Variants in CAMSAP2 observed in about 807,000 individuals in gnomAD.
CAMSAP2 encodes calmodulin regulated spectrin associated protein family member 2.
In CAMSAP2, 26 loss-of-function variants were observed where a neutral mutation model predicts 146.1. The observed-to-expected ratio is 0.18, with a 90% confidence interval of 0.13 to 0.25. The LOEUF (loss-of-function observed/expected upper bound fraction) is 0.25, where lower values mean the gene tolerates loss of function less well. Among genes scored for constraint, CAMSAP2 ranks in the 10% least tolerant of loss-of-function variants. The pLI, the probability that CAMSAP2 is intolerant of heterozygous loss-of-function variation, is 1.00. For missense variants in CAMSAP2, 1,381 were observed against 1,759.3 expected (o/e 0.78, Z 3.85); for synonymous variants, 499 against 596.6 (o/e 0.84, Z 2.38).
intron 2 of CAMSAP2, among the ~76,000 whole-genome samples, chr1:200,774,073 G>A (rs541631002): frequency 2.4e-4 from 37 of 152,228 alleles, no homozygotes; most frequent in African/African-American, 8.9e-4. Context: ...GCAGTTGTCT[G>A]TGGCCATCCA....
chr1:200,797,195 A>T (rs1665909029), intron 2 of CAMSAP2, among the ~76,000 whole-genome samples: 1 of 151,164 alleles, frequency 6.6e-6, no homozygotes, highest in Admixed American at 6.6e-5. Flanking sequence ...CAGTAATGGG[A>T]TGGCTGGGTC....
At chr1:200,811,023 T>C (rs1666316074) in intron 3 of CAMSAP2, among the ~76,000 whole-genome samples, 1 of 152,168 alleles carries the variant, frequency 6.6e-6, no homozygotes, top group African/African-American at 2.4e-5. Context: ...TAGCCTGCTC[T>C]TCTCTCTCTC....
chr1:200,843,061 G>C (rs1016592099), intron 7 of CAMSAP2, among the ~76,000 whole-genome samples: 1 of 151,132 alleles, frequency 6.6e-6, no homozygotes, highest in African/African-American at 2.4e-5. Flanking sequence ...GCCCACTAAA[G>C]AACTTTCTTC....
chr1:200,762,746 T>C (rs1664835673), intron 2 of CAMSAP2, among the ~76,000 whole-genome samples: 1 of 152,230 alleles, frequency 6.6e-6, no homozygotes, highest in Non-Finnish European at 1.5e-5. Flanking sequence ...CAGTGTAGTT[T>C]GTATGTGTGA....
At chr1:200,812,243 A>G (rs1459843385) in intron 3 of CAMSAP2, among the ~76,000 whole-genome samples, 1 of 152,214 alleles carries the variant, frequency 6.6e-6, no homozygotes, top group East Asian at 1.9e-4. Context: ...TTTAGTATCT[A>G]GACCAGCACA....
chr1:200,751,535 CAAAAA>C (rs35294926), intron 1 of CAMSAP2, among the ~76,000 whole-genome samples: 2 of 41,594 alleles, frequency 4.8e-5, no homozygotes, highest in African/African-American at 1.7e-4. Flanking sequence ...GACTCCATCT[CAAAAA>C]AAAAAAAAAA....
chr1:200,817,159 C>T (rs1571792805), intron 4 of CAMSAP2, among the ~76,000 whole-genome samples: 1 of 121,856 alleles, frequency 8.2e-6, no homozygotes, highest in East Asian at 2.4e-4. Flanking sequence ...TACACACATA[C>T]ACACACGTGT....
intron 4 of CAMSAP2, among the ~76,000 whole-genome samples, chr1:200,816,725 T>C (rs554205452): frequency 4.5e-5 from 5 of 111,710 alleles, no homozygotes; most frequent in African/African-American, 1.5e-4. Flanking sequence ...CACACGCACA[T>C]ATATGTGTGT....
At chr1:200,816,808 A>ATATATGTGTGTACACACACACGCGTG (rs1666530578) in intron 4 of CAMSAP2, among the ~76,000 whole-genome samples, 1 of 45,312 alleles carries the variant, frequency 2.2e-5, no homozygotes, top group South Asian at 8.4e-4. Flanking sequence ...ACACGCGTGT[A>ATATATGTGTGTACACACACACGCGTG]TATATGTGTG....
intron 1 of CAMSAP2, among the ~76,000 whole-genome samples, chr1:200,753,594 A>G (rs941701826): frequency 6.6e-6 from 1 of 152,210 alleles, no homozygotes; most frequent in African/African-American, 2.4e-5. Flanking sequence ...ACAGTAGGAA[A>G]AAAACAAATT....
At chr1:200,782,718 A>T (rs1380729773) in intron 2 of CAMSAP2, among the ~76,000 whole-genome samples, 1 of 149,458 alleles carries the variant, frequency 6.7e-6, no homozygotes, top group African/African-American at 2.5e-5. Context: ...TGCTGTTTCC[A>T]GTTTTGATGT....
At chr1:200,763,714 G>A (rs1001135150) in intron 2 of CAMSAP2, among the ~76,000 whole-genome samples, 3 of 152,170 alleles carry the variant, frequency 2.0e-5, no homozygotes, top group African/African-American at 7.2e-5. Flanking sequence ...GATATTTAAT[G>A]TAACTATTTT....
intron 2 of CAMSAP2, among the ~76,000 whole-genome samples, chr1:200,771,073 A>G (rs1348248218): frequency 6.6e-6 from 1 of 152,186 alleles, no homozygotes; most frequent in Non-Finnish European, 1.5e-5. Flanking sequence ...AACAGAGAAT[A>G]TGAGCATGGA....
intron 4 of CAMSAP2, among the ~76,000 whole-genome samples, chr1:200,830,237 T>C (rs531854031): frequency 6.6e-6 from 1 of 152,352 alleles, no homozygotes; most frequent in African/African-American, 2.4e-5. Flanking sequence ...TGTTTTGGCA[T>C]CCCATTCATA....
At chr1:200,841,270 G>A (rs768462763) in intron 6 of CAMSAP2, among the ~76,000 whole-genome samples, 6 of 152,156 alleles carry the variant, frequency 3.9e-5, no homozygotes, top group Middle Eastern at 3.4e-3. Flanking sequence ...TGTTTAAGAC[G>A]GAGTCTTGCC....
At chr1:200,763,143 T>C (rs1664846429) in intron 2 of CAMSAP2, among the ~76,000 whole-genome samples, 1 of 152,166 alleles carries the variant, frequency 6.6e-6, no homozygotes, top group Admixed American at 6.6e-5. Context: ...CAAGTGATCC[T>C]CCCACCTCAG....
intron 2 of CAMSAP2, among the ~76,000 whole-genome samples, chr1:200,766,171 T>G (rs1244389436): frequency 6.6e-6 from 1 of 150,640 alleles, no homozygotes; most frequent in African/African-American, 2.4e-5. Context: ...TGAGACAGGA[T>G]CTCACTCTGT....
At chr1:200,824,734 T>A (rs1466421175) in intron 4 of CAMSAP2, among the ~76,000 whole-genome samples, 4 of 152,210 alleles carry the variant, frequency 2.6e-5, no homozygotes, top group Non-Finnish European at 4.4e-5. Context: ...ATCCCCGCAC[T>A]TTGGGAGGCC....
intron 1 of CAMSAP2, among the ~76,000 whole-genome samples, chr1:200,754,798 G>A (rs1438554601): frequency 2.0e-5 from 3 of 151,960 alleles, no homozygotes; most frequent in Non-Finnish European, 4.4e-5. Context: ...TAGTCAGGAC[G>A]GTCTCTATCT....
Sources: allele counts gnomAD v4.1 joint callset (sites outside exome capture counted in the v4.1 genomes callset), GRCh38; gene constraint gnomAD v4.1.1; transcripts MANE v1.5; gene names NCBI Gene and HGNC (gene_info 2026-07-23, HGNC 2026-07-21).